Variants in PIGT observed in about 807,000 individuals in gnomAD.
The protein encoded by PIGT is GPI-anchor transamidase component PIGT.
A neutral mutation model predicts 66.7 loss-of-function variants in PIGT; 57 were observed. The observed-to-expected ratio is 0.86, with a 90% CI of 0.69 to 1.07. The LOEUF (loss-of-function observed/expected upper bound fraction) is 1.07, where lower values mean the gene tolerates loss of function less well. PIGT is among the 50% of genes least tolerant of loss of function. The probability of loss-of-function intolerance (pLI) is 0.00; values close to 1 mark genes in which losing one functional copy is unlikely to be tolerated. For synonymous variants in PIGT, 362 were observed against 320.5 expected (o/e 1.13, Z -1.38); for missense variants, 725 against 740.4 (o/e 0.98, Z 0.24).
At chr20:45,416,784 A>C (rs1990008387) in intron 2 of PIGT, 90 bp downstream of exon 2, 1 of 1,220,360 alleles carries the variant, frequency 8.2e-7, no homozygotes, top group Non-Finnish European at 1.1e-6. Flanking sequence ...TGGGGACAGC[A>C]CTTCCAGTAG....
intron 9 of PIGT, 56 bp from the exon 10 acceptor site, chr20:45,424,160 G>A (rs1600822376): frequency 6.5e-7 from 1 of 1,538,948 alleles, no homozygotes; most frequent in Non-Finnish European, 9.0e-7. Context: ...CAGGGACAGG[G>A]GCAGCAGGTA....
intron 4 of PIGT, 35 bp downstream of exon 4, chr20:45,419,430 G>A: frequency 6.2e-7 from 1 of 1,607,826 alleles, no homozygotes; most frequent in African/African-American, 1.3e-5. Flanking sequence ...GGGGGCGGGG[G>A]GTGTATAGAG....
At chr20:45,421,228 A>C in intron 8 of PIGT, 155 bp from the exon 9 acceptor site, 1 of 628,726 alleles carries the variant, frequency 1.6e-6, no homozygotes, top group Non-Finnish European at 2.8e-6. Context: ...TGGGGAAGAC[A>C]GGGATGATTC....
chr20:45,416,783 C>A, intron 2 of PIGT, 89 bp downstream of exon 2: 1 of 1,224,614 alleles, frequency 8.2e-7, no homozygotes, highest in Non-Finnish European at 1.1e-6. Context: ...TTGGGGACAG[C>A]ACTTCCAGTA....
Position 45,420,580 on chromosome 20 carries a change from T to C in PIGT, c.920T>C (p.Val307Ala), listed in dbSNP as rs776717710. Reference sequence around the variant, plus strand: ...CCCCCGACCACTACATATCAGGACGTCATCCTAGGCACTCGGAAGACCTAT... The same window carrying C: ...CCCCCGACCACTACATATCAGGACGCCATCCTAGGCACTCGGAAGACCTAT... ...HPPPTTTYQDVILGTRKTYAI... is the reference protein window; with the variant it reads ...HPPPTTTYQDAILGTRKTYAI... The change falls in exon 8 of 12, where the codon GTC (valine) becomes GCC (alanine). Residue 307 changes from valine to alanine, a missense_variant. Physicochemically the swap from Val to Ala is moderately conservative, Grantham distance 64. Coordinates refer to ENST00000279036, the MANE Select transcript of PIGT (RefSeq NM_015937.6). 6.2e-6 allele frequency: 10 copies of C among 1,613,450 alleles called. No individual in the cohort carries two copies. The highest frequency in any genetic ancestry group is 6.8e-6 in the Non-Finnish European group (8 of 1,179,962).
At chr20:45,420,105 C>A (rs1286295810) in intron 5 of PIGT, 31 bp from the exon 6 acceptor site, 7 of 1,492,858 alleles carry the variant, frequency 4.7e-6, no homozygotes, top group Non-Finnish European at 6.5e-6. Flanking sequence ...AGTGATACCC[C>A]CTCACTGCTG....
At chr20:45,418,765 A>G (rs951041476) in intron 2 of PIGT, 87 bp from the exon 3 acceptor site, 5 of 1,522,944 alleles carry the variant, frequency 3.3e-6, no homozygotes, top group South Asian at 2.3e-5. Context: ...GCCTCCTCCT[A>G]TCATAGGTTT....
Position 45,419,535 on chromosome 20 carries a change from G to A in PIGT, c.626G>A (p.Arg209His), listed in dbSNP as rs143235179. Reference sequence around the variant, plus strand: ...CTCTCTGTGCTGCTGAAGGCAGATCGCTTGTTCCACACCAGCTACCACTCC... The same window carrying A: ...CTCTCTGTGCTGCTGAAGGCAGATCACTTGTTCCACACCAGCTACCACTCC... Reference protein sequence around the residue: ...AGLSVLLKADRLFHTSYHSQA... With the variant: ...AGLSVLLKADHLFHTSYHSQA... Residue 209 changes from arginine to histidine, a missense_variant, in exon 5 of 12, where the codon CGC (arginine) becomes CAC (histidine). Around this residue, in one of 3 missense-constraint regions of PIGT, gnomAD observed 559 missense variants for 552.7 expected, o/e 1.01. Transcript: ENST00000279036. 43 of 1,614,142 alleles carry A rather than the reference G, an allele frequency of 2.7e-5. No homozygotes were observed. The African/African-American group carries it at 4.8e-4, about 18-fold the overall frequency.
Position 45,425,929 on chromosome 20 carries a change from A to G in PIGT, c.*103A>G. The G allele has an allele frequency of 7.3e-7, 1 of 1,366,876 alleles. No homozygotes were observed. Among genetic ancestry groups the G allele is most frequent in the Non-Finnish European group, 9.9e-7 (1 of 1,014,168 alleles). 84.7% of individuals were successfully genotyped at this position (1,366,876 alleles called of 1,614,324 possible). On this transcript the variant is annotated 3_prime_UTR_variant, in exon 12 of 12. Coordinates refer to ENST00000279036, the MANE Select transcript of PIGT (RefSeq NM_015937.6). ...CTCCTCAGAGTTGGCTTTTGAACCA[A>G]AGTGCCCTGGACCAGGTCAGGGCCT...
intron 2 of PIGT, chr20:45,418,333 G>C (rs1010141644): frequency 1.0e-5 from 2 of 192,976 alleles, no homozygotes; most frequent in Non-Finnish European, 2.2e-5. Context: ...TGGTGTCAGG[G>C]GAAGTACATA....
intron 2 of PIGT, 40 bp downstream of exon 2, chr20:45,416,734 G>A (rs1026875429): frequency 1.3e-6 from 2 of 1,555,414 alleles, no homozygotes; most frequent in Non-Finnish European, 1.7e-6. Context: ...GCCATGGAGG[G>A]AATGTGGCTG....
chr20:45,419,234 A>G, intron 3 of PIGT, 61 bp from the exon 4 acceptor site: 2 of 1,392,180 alleles, frequency 1.4e-6, no homozygotes, highest in Non-Finnish European at 2.0e-6. Flanking sequence ...CATCTCTGGA[A>G]TGTGGATCCC....
At position 45,420,583 on chromosome 20, in the gene PIGT, T is replaced by A. The variant is rs1990298136; in HGVS notation, c.923T>A (p.Ile308Asn). 6.2e-7 allele frequency: 1 copy of A among 1,613,568 alleles called. No individual in the cohort carries two copies. Among genetic ancestry groups the A allele is most frequent in the Admixed American group, 1.7e-5 (1 of 59,954 alleles). ...PPPTTTYQDV[I>N]LGTRKTYAIY... is the part of the protein sequence containing the mutation. ...CCGACCACTACATATCAGGACGTCA[T>A]CCTAGGCACTCGGAAGACCTATGCC... Residue 308 changes from isoleucine to asparagine, a missense_variant, in exon 8 of 12, where the codon ATC becomes AAC. Coordinates refer to ENST00000279036, the MANE Select transcript of PIGT (RefSeq NM_015937.6).
In PIGT at chr20:45,421,520, T is replaced by G; in HGVS notation, c.1171T>G (p.Trp391Gly). ...GGTGCTGCTGCTGGACACCGTACCC[T>G]GGTATCTGCGGCTGTATGTGCACAC... ...FPVLLLDTVP[W>G]YLRLYVHTLT... Residue 391 changes from tryptophan to glycine, a missense_variant, in exon 9 of 12, where the codon TGG (tryptophan) becomes GGG (glycine). Around this residue, in one of 3 missense-constraint regions of PIGT, gnomAD observed 559 missense variants for 552.7 expected, o/e 1.01. Coordinates refer to ENST00000279036, the MANE Select transcript of PIGT (RefSeq NM_015937.6). 2 of 1,614,110 alleles carry G rather than the reference T, an allele frequency of 1.2e-6. No homozygotes were observed. The highest frequency in any genetic ancestry group is 1.7e-6 in the Non-Finnish European group (2 of 1,180,006).
At chr20:45,421,253 C>T (rs1382463620) in intron 8 of PIGT, 130 bp from the exon 9 acceptor site, 6 of 691,608 alleles carry the variant, frequency 8.7e-6, no homozygotes, top group Non-Finnish European at 1.4e-5. Flanking sequence ...ACCCAGATTG[C>T]CCAGTTTCAG....
In PIGT at chr20:45,421,585, T is replaced by G; in HGVS notation, c.1234+2T>G. On this transcript the variant is annotated splice_donor_variant, in intron 9 of 11. Coordinates refer to ENST00000279036, the MANE Select transcript of PIGT (RefSeq NM_015937.6). LOFTEE classifies it high-confidence loss of function. ...CCAAGGGCAAGGAGAACAAACCAAG[T>G]GAGGACCTGAGTCCTGAACCAGGCC... 1 of 1,613,772 alleles carries G rather than the reference T, an allele frequency of 6.2e-7. No homozygotes were observed. The highest frequency in any genetic ancestry group is 8.5e-7 in the Non-Finnish European group (1 of 1,179,700).
Position 45,425,765 on chromosome 20 carries a change from G to A in PIGT, c.1676G>A (p.Gly559Asp), listed in dbSNP as rs879888084. The change falls in exon 12 of 12, where the codon GGT becomes GAT. Residue 559 changes from glycine (G) to aspartate (D), a missense_variant. Transcript: ENST00000279036. ...TTCCACATCGAGGAGCCCCGCACAG[G>A]TGGCCTGGCCAAGCGGCTGGCCAAC... ...RTFHIEEPRT[G>D]GLAKRLANLI... 3 of 1,614,060 alleles carry A rather than the reference G, an allele frequency of 1.9e-6. No individual in the cohort carries two copies. Among genetic ancestry groups the A allele is most frequent in the East Asian group, 2.2e-5 (1 of 44,876 alleles).
chr20:45,416,791 G>A (rs999896943), intron 2 of PIGT, 97 bp downstream of exon 2: 4 of 1,124,626 alleles, frequency 3.6e-6, no homozygotes, highest in Non-Finnish European at 4.9e-6. Flanking sequence ...AGCACTTCCA[G>A]TAGGCAGCGA....
chr20:45,424,125 C>T, intron 9 of PIGT, 91 bp from the exon 10 acceptor site: 1 of 1,228,788 alleles, frequency 8.1e-7, no homozygotes, highest in Non-Finnish European at 1.2e-6. Flanking sequence ...TCTAGGCACC[C>T]AGATTGAGGC....
Sources: gnomAD v4.1 joint callset for allele counts on GRCh38, gnomAD v4.1.1 for gene constraint, gnomAD v4.1.1 regional missense constraint, MANE v1.5 for transcripts, NCBI Gene and HGNC (gene_info 2026-07-23, HGNC 2026-07-21) for gene names.